The following BCAS3 variants were observed in gnomAD, a reference collection of about 807,000 sequenced individuals.
BCAS3 encodes the protein BCAS4/BCAS3 fusion.
In BCAS3, 53 loss-of-function variants were observed where a neutral mutation model predicts 116.1. The observed-to-expected ratio is 0.46, with a 90% confidence interval of 0.37 to 0.57. BCAS3 has a LOEUF of 0.57. Among genes scored for constraint, BCAS3 ranks in the 20% least tolerant of loss-of-function variants. The probability of loss-of-function intolerance (pLI) is 0.00; values close to 1 mark genes in which losing one functional copy is unlikely to be tolerated. For synonymous variants in BCAS3, 391 were observed against 408.2 expected, an observed-to-expected ratio of 0.96 and a Z score of 0.51; for missense variants, 917 against 1,165.4, an observed-to-expected ratio of 0.79 and a Z score of 3.10.
At chr17:61,031,381 T>C (rs1201650060) in intron 16 of BCAS3, among the ~76,000 whole-genome samples, 1 of 152,100 alleles carries the variant, frequency 6.6e-6, no homozygotes, top group South Asian at 2.1e-4. Context: ...ATACATTGTA[T>C]GTCACTGGCA....
intron 7 of BCAS3, among the ~76,000 whole-genome samples, chr17:60,848,567 G>A (rs1301831287): frequency 6.6e-6 from 1 of 152,152 alleles, no homozygotes. Flanking sequence ...AGATCTTTCA[G>A]TACAGTGTTG....
At chr17:60,858,360 T>C in intron 7 of BCAS3, among the ~76,000 whole-genome samples, 1 of 152,124 alleles carries the variant, frequency 6.6e-6, no homozygotes, top group East Asian at 1.9e-4. Context: ...ACTGATTTGC[T>C]TCCTATTATT....
intron 9 of BCAS3, among the ~76,000 whole-genome samples, chr17:60,878,664 G>C (rs2055842800): frequency 6.6e-6 from 1 of 152,096 alleles, no homozygotes; most frequent in Admixed American, 6.5e-5. Flanking sequence ...CTTACCAATA[G>C]TGGTAATGTA....
chr17:61,050,013 G>A (rs982742854), intron 19 of BCAS3, among the ~76,000 whole-genome samples: 5 of 151,936 alleles, frequency 3.3e-5, no homozygotes, highest in African/African-American at 1.2e-4. Flanking sequence ...GATTACAGGC[G>A]TGAGCCACTG....
intron 14 of BCAS3, among the ~76,000 whole-genome samples, chr17:60,968,887 A>G (rs2061801044): frequency 6.6e-6 from 1 of 152,078 alleles, no homozygotes; most frequent in South Asian, 2.1e-4. Flanking sequence ...CAGCCACGAT[A>G]CTTCCTGCCA....
intron 22 of BCAS3, among the ~76,000 whole-genome samples, chr17:61,238,002 T>G (rs1178067410): frequency 6.6e-6 from 1 of 152,182 alleles, no homozygotes; most frequent in Non-Finnish European, 1.5e-5. Context: ...ATCACCACCC[T>G]GAGTTGGTTT....
rs2143377777 is a variant in BCAS3 at position 61,354,607 on chromosome 17, A to G, written c.2426-13720A>G. 6.6e-6 allele frequency: 1 copy of G among 152,242 alleles called. No homozygotes were observed. The highest frequency in any genetic ancestry group is 3.4e-3 in the Middle Eastern group (1 of 296). The allele number at this position is 152,242 out of a possible 1,614,324, so 9.4% of individuals were successfully genotyped here. A position where few individuals can be genotyped will look rare whatever the true frequency, so the allele number is the denominator to read the frequency against. On this transcript the variant is annotated intron_variant, in intron 22 of 23. Transcript: ENST00000407086. The surrounding 1 kb of genome is among the most constrained non-coding windows in gnomAD (Gnocchi z 4.5). ...CAGTGCAAGGACCTGGGAAGTCGGG[A>G]TTCTGTAATGTACCTTGCCCCCAGT...
rs1471181961 is a variant in BCAS3 at position 60,868,669 on chromosome 17, C to A, written c.570C>A (p.Leu190=). 6.3e-7 allele frequency: 1 copy of A among 1,582,610 alleles called. No individual in the cohort carries two copies. Among genetic ancestry groups the A allele is most frequent in the African/African-American group, 1.4e-5 (1 of 72,684 alleles). Residue 190 remains leucine, a synonymous_variant, in exon 8 of 24, where the codon CTC becomes CTA. Transcript: ENST00000407086. The part of the protein sequence containing the change: ...SIQFKTPIYD[L]HCNKRILVVV... ...AATTTAAGACACCTATTTATGATCT[C>A]CATTGCAATAAACGGTAAGGATTTT...
At chr17:61,310,152 T>G (rs1043632074) in intron 22 of BCAS3, among the ~76,000 whole-genome samples, 10 of 152,222 alleles carry the variant, frequency 6.6e-5, no homozygotes, top group Admixed American at 5.2e-4. Context: ...TTCTCCCTGC[T>G]TCCATCTTTC....
intron 6 of BCAS3, among the ~76,000 whole-genome samples, chr17:60,786,091 G>A (rs184902547): frequency 1.6e-4 from 24 of 152,190 alleles, no homozygotes; most frequent in Non-Finnish European, 3.1e-4. Context: ...AACCAATCCC[G>A]CACAGATACC....
intron 22 of BCAS3, among the ~76,000 whole-genome samples, chr17:61,328,406 T>C (rs2055914978): frequency 6.6e-6 from 1 of 152,190 alleles, no homozygotes; most frequent in Non-Finnish European, 1.5e-5. Context: ...CAGAATACCA[T>C]AGACTAGGTG....
chr17:61,078,618 C>G, intron 21 of BCAS3, 89 bp downstream of exon 21: 1 of 1,163,568 alleles, frequency 8.6e-7, no homozygotes, highest in South Asian at 1.5e-5. Context: ...TAGGTTTCCC[C>G]TTTTGGCACA....
chr17:60,803,796 ATTTT>A (rs11384999), intron 6 of BCAS3, among the ~76,000 whole-genome samples: 1 of 89,310 alleles, frequency 1.1e-5, no homozygotes, highest in Non-Finnish European at 2.0e-5. Flanking sequence ...AACTATTACG[ATTTT>A]TTTTTTTTTT....
chr17:61,259,471 G>A lies in BCAS3; in HGVS notation c.2426-108856G>A, dbSNP rs927230551. ...GGTTGAGAACATCGTTGGATGATAT[G>A]TTTAATGCTGCAGATGCTGAGGTTG... is the stretch of plus-strand genomic sequence containing the variant. On this transcript the variant is annotated intron_variant, in intron 22 of 23. Transcript: ENST00000407086. This position sits in a 1 kb window ranked among gnomAD's most constrained non-coding sequence, Gnocchi z 4.7. 6.6e-6 allele frequency among the ~76,000 whole-genome samples: 1 copy of A among 152,272 alleles called. No homozygotes were observed. The highest frequency in any genetic ancestry group is 1.5e-5 in the Non-Finnish European group (1 of 68,026).
intron 22 of BCAS3, among the ~76,000 whole-genome samples, chr17:61,183,192 C>T (rs2079576698): frequency 6.6e-6 from 1 of 151,992 alleles, no homozygotes; most frequent in South Asian, 2.1e-4. Context: ...TCTATAGTTT[C>T]TTGCTTTTAG....
At chr17:60,873,547 A>T (rs2055320017) in intron 8 of BCAS3, among the ~76,000 whole-genome samples, 1 of 152,188 alleles carries the variant, frequency 6.6e-6, no homozygotes, top group South Asian at 2.1e-4. Flanking sequence ...TGCTGCAAGG[A>T]TAGCACAATA....
intron 9 of BCAS3, among the ~76,000 whole-genome samples, chr17:60,889,320 C>G (rs2056971919): frequency 6.6e-6 from 1 of 152,126 alleles, no homozygotes; most frequent in Non-Finnish European, 1.5e-5. Context: ...TTCCTGAACC[C>G]ATCATATCAT....
At chr17:60,998,504 A>G (rs1661345570) in intron 15 of BCAS3, among the ~76,000 whole-genome samples, 1 of 152,044 alleles carries the variant, frequency 6.6e-6, no homozygotes. Flanking sequence ...AGCCTCACCA[A>G]CATCTGTTGT....
chr17:60,992,525 G>T (rs2063590831), intron 15 of BCAS3, among the ~76,000 whole-genome samples: 2 of 152,102 alleles, frequency 1.3e-5, no homozygotes, highest in African/African-American at 4.8e-5. Flanking sequence ...GGGGACTCCT[G>T]GAGGGAGGAC....
Sources: allele counts gnomAD v4.1 joint callset (sites outside exome capture counted in the v4.1 genomes callset), GRCh38; gene constraint gnomAD v4.1.1; non-coding constraint Gnocchi (gnomAD v3.1); transcripts MANE v1.5; gene names NCBI Gene and HGNC (gene_info 2026-07-23, HGNC 2026-07-21).